The following KAZN variants were observed in gnomAD, a reference collection of about 807,000 sequenced individuals.
The protein encoded by KAZN is kazrin, periplakin interacting protein.
In KAZN, 40 loss-of-function variants were observed where a neutral mutation model predicts 87.4. The observed-to-expected ratio is 0.46, with a 90% CI of 0.36 to 0.60. The LOEUF is 0.60. Among genes scored for constraint, KAZN ranks in the 20% least tolerant of loss-of-function variants. The probability of loss-of-function intolerance (pLI) is 0.00; values close to 1 mark genes in which losing one functional copy is unlikely to be tolerated. For synonymous variants in KAZN, 466 were observed against 458.3 expected, an observed-to-expected ratio of 1.02 and a Z score of -0.22; for missense variants, 898 against 1,073.9, an observed-to-expected ratio of 0.84 and a Z score of 2.29.
chr1:15,083,246 C>T (rs1459705400), intron 8 of KAZN, among the ~76,000 whole-genome samples: 1 of 152,158 alleles, frequency 6.6e-6, no homozygotes, highest in Non-Finnish European at 1.5e-5. Flanking sequence ...CTTTTAGTTG[C>T]AAATGTCAAC....
chr1:14,515,976 C>G (rs1313296234), intron 2 of KAZN, among the ~76,000 whole-genome samples: 1 of 152,144 alleles, frequency 6.6e-6, no homozygotes, highest in Non-Finnish European at 1.5e-5. Context: ...TCCTTCTTTA[C>G]TCCTGTATCA....
intron 2 of KAZN, among the ~76,000 whole-genome samples, chr1:14,463,961 G>A (rs1314629049): frequency 6.6e-6 from 1 of 152,210 alleles, no homozygotes. Flanking sequence ...AGAGCTTGGA[G>A]GGGCCCTTAG....
At chr1:15,075,284 GA>G (rs372116143) in intron 8 of KAZN, among the ~76,000 whole-genome samples, 1,834 of 152,178 alleles carry the variant, frequency 0.012, 37 homozygotes, top group East Asian at 0.078. Flanking sequence ...CAACTAGGGG[GA>G]AAAAAATCCC....
intron 2 of KAZN, among the ~76,000 whole-genome samples, chr1:14,973,658 C>T (rs1665316327): frequency 1.3e-5 from 2 of 151,986 alleles, no homozygotes; most frequent in Admixed American, 6.6e-5. Flanking sequence ...GTACTGATAA[C>T]GCTTGGTACT....
At chr1:14,309,731 T>C (rs1655159316) in intron 2 of KAZN, among the ~76,000 whole-genome samples, 1 of 152,102 alleles carries the variant, frequency 6.6e-6, no homozygotes, top group Admixed American at 6.5e-5. Flanking sequence ...CATGCCCAGT[T>C]AACTTTCTTA....
At chr1:13,893,863 C>T in intron 1 of KAZN, 12 of 1,302,522 alleles carry the variant, frequency 9.2e-6, no homozygotes, top group East Asian at 5.2e-5. Context: ...GTCAGTCTAC[C>T]TCATCTCTTT....
intron 1 of KAZN, among the ~76,000 whole-genome samples, chr1:14,702,636 A>G (rs1052698629): frequency 1.3e-5 from 2 of 152,138 alleles, no homozygotes; most frequent in Admixed American, 6.5e-5. Flanking sequence ...AGTATCGTGT[A>G]TCGATAGATT....
intron 1 of KAZN, among the ~76,000 whole-genome samples, chr1:14,926,491 C>A (rs534554798): frequency 4.6e-4 from 70 of 152,298 alleles, no homozygotes; most frequent in Middle Eastern, 6.8e-3. Flanking sequence ...TTACAGATGA[C>A]ATCACTGGCA....
chr1:14,414,989 G>C (rs932208126), intron 2 of KAZN, among the ~76,000 whole-genome samples: 5 of 152,106 alleles, frequency 3.3e-5, no homozygotes, highest in African/African-American at 1.2e-4. Flanking sequence ...TCACACCACT[G>C]CACTCCAGCC....
At chr1:14,450,881 C>G (rs898730788) in intron 2 of KAZN, among the ~76,000 whole-genome samples, 7 of 151,872 alleles carry the variant, frequency 4.6e-5, no homozygotes, top group African/African-American at 1.5e-4. Context: ...TAGGAGGTGA[C>G]TGGATGGTCG....
intron 2 of KAZN, among the ~76,000 whole-genome samples, chr1:14,212,912 G>T (rs1646885050): frequency 6.6e-6 from 1 of 152,088 alleles, no homozygotes; most frequent in South Asian, 2.1e-4. Flanking sequence ...AAATTAAAGA[G>T]GATACCAATG....
chr1:14,305,182 C>T (rs1331673922), intron 2 of KAZN, among the ~76,000 whole-genome samples: 2 of 152,118 alleles, frequency 1.3e-5, no homozygotes, highest in African/African-American at 4.8e-5. Context: ...GAGGAAAAGA[C>T]TGCCATCGTC....
intron 2 of KAZN, among the ~76,000 whole-genome samples, chr1:14,400,166 G>A (rs1663279066): frequency 6.6e-6 from 1 of 152,006 alleles, no homozygotes; most frequent in South Asian, 2.1e-4. Flanking sequence ...TGTTTAGGGA[G>A]CTCCATTTGT....
At chr1:14,195,188 T>G (rs1193504830) in intron 2 of KAZN, among the ~76,000 whole-genome samples, 1 of 152,168 alleles carries the variant, frequency 6.6e-6, no homozygotes. Flanking sequence ...ATGGAGTGTT[T>G]CTAATTCACT....
At chr1:14,181,244 G>A (rs10754914) in intron 2 of KAZN, among the ~76,000 whole-genome samples, 62,563 of 152,004 alleles carry the variant, frequency 0.41, 13,581 homozygotes, top group East Asian at 0.62. Context: ...GCCAAACTGA[G>A]CTAGATCTAA....
At chr1:14,063,690 A>C (rs534725070) in intron 1 of KAZN, among the ~76,000 whole-genome samples, 66 of 152,302 alleles carry the variant, frequency 4.3e-4, no homozygotes, top group African/African-American at 1.6e-3. Context: ...TGTCCACTCA[A>C]ATCTCACCTG....
intron 1 of KAZN, among the ~76,000 whole-genome samples, chr1:14,177,704 A>G (rs1362391905): frequency 6.6e-6 from 1 of 151,888 alleles, no homozygotes; most frequent in Non-Finnish European, 1.5e-5. Context: ...ATAAAACTCT[A>G]CATGACTAGG....
intron 5 of KAZN, among the ~76,000 whole-genome samples, chr1:15,059,054 T>G (rs1376589223): frequency 6.7e-6 from 1 of 150,352 alleles, no homozygotes; most frequent in Non-Finnish European, 1.5e-5. Flanking sequence ...AGCAGAACGA[T>G]GACAGATTGT....
At chr1:14,314,215 G>T (rs1005176750) in intron 2 of KAZN, among the ~76,000 whole-genome samples, 1 of 152,142 alleles carries the variant, frequency 6.6e-6, no homozygotes, top group Non-Finnish European at 1.5e-5. Flanking sequence ...TGCACTACTT[G>T]TAGAAAAAGG....
Sources: gnomAD v4.1 joint callset for allele counts (sites outside exome capture counted in the v4.1 genomes callset) on GRCh38, gnomAD v4.1.1 for gene constraint, MANE v1.5 for transcripts, NCBI Gene and HGNC (gene_info 2026-07-23, HGNC 2026-07-21) for gene names.